TTC28: variants seen among roughly 807,000 people sequenced by gnomAD.
The protein encoded by TTC28 is tetratricopeptide repeat protein 28.
TTC28 carries 61 observed loss-of-function variants against 198.0 expected under a neutral mutation model. The ratio of observed to expected loss-of-function variants is 0.31; its 90% CI spans 0.25 to 0.38. The LOEUF (loss-of-function observed/expected upper bound fraction) is 0.38, where lower values mean the gene tolerates loss of function less well. TTC28 is among the 10% of genes least tolerant of loss of function. The pLI, the probability that TTC28 is intolerant of heterozygous loss-of-function variation, is 1.00. For missense variants in TTC28, 2,678 were observed against 3,164.0 expected, an observed-to-expected ratio of 0.85 and a Z score of 3.69; for synonymous variants, 1,171 against 1,297.8, an observed-to-expected ratio of 0.90 and a Z score of 2.10.
chr22:28,364,866 A>T (rs1443473080), intron 2 of TTC28, among the ~76,000 whole-genome samples: 3 of 152,236 alleles, frequency 2.0e-5, no homozygotes, highest in Admixed American at 6.5e-5. Context: ...CCTGGTAAAG[A>T]TGCTGTGAAC....
chr22:28,070,418 A>AT (rs1286648713), intron 12 of TTC28, among the ~76,000 whole-genome samples: 5 of 152,092 alleles, frequency 3.3e-5, no homozygotes, highest in East Asian at 1.9e-4. Flanking sequence ...TAACAAATAG[A>AT]TTTTTTTTGA....
At chr22:28,233,083 C>T (rs538035217) in intron 5 of TTC28, among the ~76,000 whole-genome samples, 1 of 150,940 alleles carries the variant, frequency 6.6e-6, no homozygotes, top group African/African-American at 2.4e-5. Context: ...ACCTAGGCAA[C>T]AAGAGTGAAA....
Position 28,078,232 on chromosome 22 carries a change from A to G in TTC28, c.3932+15848T>C, listed in dbSNP as rs941136132. On this transcript the variant is annotated intron_variant, in intron 12 of 22. Transcript: ENST00000397906. ...AAGGAGAGCAAAAACAGTCTGCAGA[A>G]TAACAAGGACACCATGGCTAGGCTG... Among the ~76,000 whole-genome samples, 3 of 152,324 alleles carry G rather than the reference A, an allele frequency of 2.0e-5. No individual in the cohort carries two copies. In the South Asian group the frequency reaches 6.2e-4, roughly 32 times the overall value.
chr22:28,105,467 T>C lies in TTC28; in HGVS notation c.3119A>G (p.Tyr1040Cys). The C allele has an allele frequency of 1.3e-6, 2 of 1,551,682 alleles. No homozygotes were observed. The highest frequency in any genetic ancestry group is 1.2e-5 in the South Asian group (1 of 84,060). Residue 1040 changes from tyrosine (Y) to cysteine (C), a missense_variant, in exon 8 of 23, where the codon TAT becomes TGT. Coordinates refer to ENST00000397906, the MANE Select transcript of TTC28 (RefSeq NM_001145418.2). ...TNNPTCQGRAYGNLGLTYESL... is the reference protein window; with the variant it reads ...TNNPTCQGRACGNLGLTYESL... ...TTCATAAGTCAGGCCCAGGTTCCCA[T>C]AGGCTCGGCCCTGGCACGTGGGGTT...
intron 14 of TTC28, among the ~76,000 whole-genome samples, chr22:28,002,967 G>C (rs943554159): frequency 1.2e-4 from 18 of 152,344 alleles, no homozygotes; most frequent in South Asian, 6.2e-4. Flanking sequence ...CTGGGGGACA[G>C]AGCGAGACTG....
At chr22:28,225,587 C>A (rs1928272329) in intron 5 of TTC28, among the ~76,000 whole-genome samples, 1 of 152,084 alleles carries the variant, frequency 6.6e-6, no homozygotes. Context: ...GGTAGAATTG[C>A]ACAGATAATT....
chr22:28,352,980 A>G (rs968227081), intron 2 of TTC28, among the ~76,000 whole-genome samples: 1 of 152,200 alleles, frequency 6.6e-6, no homozygotes, highest in Admixed American at 6.5e-5. Flanking sequence ...AGAAATAAAA[A>G]AGAGGGTACT....
intron 2 of TTC28, among the ~76,000 whole-genome samples, chr22:28,535,787 G>A (rs1294695108): frequency 6.6e-6 from 1 of 152,116 alleles, no homozygotes; most frequent in African/African-American, 2.4e-5. Context: ...TCCTGGCCAT[G>A]TGAAGACTGT....
chr22:28,567,786 C>T (rs759503023), intron 2 of TTC28, among the ~76,000 whole-genome samples: 14 of 151,498 alleles, frequency 9.2e-5, no homozygotes, highest in Non-Finnish European at 1.9e-4. Context: ...CAGAATTCAA[C>T]GCAAAACATA....
chr22:28,568,110 G>T (rs1440808942), intron 2 of TTC28, among the ~76,000 whole-genome samples: 2 of 152,128 alleles, frequency 1.3e-5, no homozygotes, highest in Non-Finnish European at 2.9e-5. Flanking sequence ...GCTGTGAACT[G>T]CATTTTCAGA....
intron 2 of TTC28, among the ~76,000 whole-genome samples, chr22:28,521,878 A>G (rs185857420): frequency 6.6e-6 from 1 of 152,336 alleles, no homozygotes; most frequent in East Asian, 1.9e-4. Flanking sequence ...CATTAGGGCT[A>G]GAGCCCTGGT....
At chr22:28,468,527 T>G (rs1442595320) in intron 2 of TTC28, among the ~76,000 whole-genome samples, 1 of 151,816 alleles carries the variant, frequency 6.6e-6, no homozygotes, top group Admixed American at 6.6e-5. Flanking sequence ...ATAATGCTTT[T>G]TTTTTTTGAG....
chr22:28,529,018 T>C (rs943448389), intron 2 of TTC28, among the ~76,000 whole-genome samples: 2 of 152,182 alleles, frequency 1.3e-5, no homozygotes, highest in Non-Finnish European at 2.9e-5. Flanking sequence ...ATGGGTGATT[T>C]CTGCATTTCC....
chr22:28,110,430 T>C (rs1245882819), intron 6 of TTC28, among the ~76,000 whole-genome samples: 12 of 152,236 alleles, frequency 7.9e-5, no homozygotes, highest in African/African-American at 2.9e-4. Context: ...AAATAATGTA[T>C]GTGCAAGAGC....
At chr22:28,014,747 A>T (rs1601518193) in intron 13 of TTC28, among the ~76,000 whole-genome samples, 1 of 152,328 alleles carries the variant, frequency 6.6e-6, no homozygotes, top group East Asian at 1.9e-4. Flanking sequence ...AGCGACAGCC[A>T]CCAAGCTGAT....
intron 6 of TTC28, among the ~76,000 whole-genome samples, chr22:28,140,932 G>C (rs1418601880): frequency 9.1e-6 from 1 of 109,966 alleles, no homozygotes; most frequent in Non-Finnish European, 2.2e-5. Flanking sequence ...AAATGCAAAG[G>C]AAGAGGAGGA....
intron 6 of TTC28, among the ~76,000 whole-genome samples, chr22:28,154,557 C>G (rs8137954): frequency 6.6e-6 from 1 of 151,948 alleles, no homozygotes; most frequent in Non-Finnish European, 1.5e-5. Context: ...GGGGTTTCAC[C>G]GTGTTAGCCA....
At chr22:28,438,216 T>G (rs1232405611) in intron 2 of TTC28, among the ~76,000 whole-genome samples, 5 of 152,212 alleles carry the variant, frequency 3.3e-5, no homozygotes, top group Admixed American at 3.3e-4. Context: ...TTCTGGCAAG[T>G]AACTAAGTAA....
intron 5 of TTC28, among the ~76,000 whole-genome samples, chr22:28,205,141 T>A (rs1926287429): frequency 6.6e-6 from 1 of 152,016 alleles, no homozygotes; most frequent in Non-Finnish European, 1.5e-5. Flanking sequence ...AAACAGGGAA[T>A]AAAAATAGCC....
Sources: gnomAD v4.1 joint callset for allele counts (sites outside exome capture counted in the v4.1 genomes callset) on GRCh38, gnomAD v4.1.1 for gene constraint, MANE v1.5 for transcripts, NCBI Gene and HGNC (gene_info 2026-07-23, HGNC 2026-07-21) for gene names.